Variants in ELF1 observed in about 807,000 individuals in gnomAD.
ELF1 encodes the protein ETS-related transcription factor Elf-1.
Under a neutral mutation model 59.9 loss-of-function variants are expected in ELF1, and 24 were observed. The observed-to-expected ratio is 0.40, with a 90% CI of 0.29 to 0.56. The LOEUF (loss-of-function observed/expected upper bound fraction) is 0.56. Ranked by LOEUF, ELF1 falls within the 20% of genes least tolerant of loss-of-function variation. The pLI is 0.44. For missense variants in ELF1, 627 were observed against 742.2 expected (o/e 0.84, Z 1.80); for synonymous variants, 248 against 266.2 (o/e 0.93, Z 0.67).
At chr13:41,025,034 C>CA (rs1227781719) in intron 1 of ELF1, among the ~76,000 whole-genome samples, 1 of 152,044 alleles carries the variant, frequency 6.6e-6, no homozygotes, top group Non-Finnish European at 1.5e-5. Context: ...GCCCAAAAAA[C>CA]AAAAAGAAAT....
At chr13:41,035,610 G>A (rs1288735087) in intron 1 of ELF1, among the ~76,000 whole-genome samples, 1 of 151,572 alleles carries the variant, frequency 6.6e-6, no homozygotes, top group Admixed American at 6.6e-5. Context: ...TCTGTAAAGA[G>A]AGAATAGCTT....
At position 40,932,556 on chromosome 13, in the gene ELF1, G is replaced by C. The variant is rs1202362058; in HGVS notation, c.*869C>G. 6.6e-6 allele frequency: 1 copy of C among 152,090 alleles called. No individual in the cohort carries two copies. The highest frequency in any genetic ancestry group is 2.4e-5 in the African/African-American group (1 of 41,430). 9.4% of individuals were successfully genotyped at this position (152,090 alleles called of 1,614,324 possible). A position where few individuals can be genotyped will look rare whatever the true frequency, so the allele number is the denominator to read the frequency against. On this transcript the variant is annotated 3_prime_UTR_variant, in exon 9 of 9. Transcript: ENST00000239882. ...AAGAGTTAGTAAACAAATTATTTAGGAAGAATTTATGGCAGATCTTACCCA... is the reference window on the plus strand; with the variant it reads ...AAGAGTTAGTAAACAAATTATTTAGCAAGAATTTATGGCAGATCTTACCCA...
chr13:41,053,671 A>C (rs1317421182), intron 1 of ELF1, among the ~76,000 whole-genome samples: 1 of 152,216 alleles, frequency 6.6e-6, no homozygotes, highest in Non-Finnish European at 1.5e-5. Context: ...ATTGGCTGTA[A>C]ACAGCTCATC....
At chr13:41,036,418 C>G (rs112103211) in intron 1 of ELF1, among the ~76,000 whole-genome samples, 1 of 152,324 alleles carries the variant, frequency 6.6e-6, no homozygotes, top group Non-Finnish European at 1.5e-5. Context: ...CTGCTTCTCT[C>G]CCTCCACACT....
intron 1 of ELF1, among the ~76,000 whole-genome samples, chr13:41,009,452 G>A (rs185566456): frequency 6.6e-6 from 1 of 152,030 alleles, no homozygotes; most frequent in Non-Finnish European, 1.5e-5. Context: ...AATGCCAACT[G>A]CCCTGCAGAA....
intron 1 of ELF1, among the ~76,000 whole-genome samples, chr13:41,003,499 T>A (rs1165792006): frequency 6.8e-6 from 1 of 146,032 alleles, no homozygotes; most frequent in African/African-American, 2.6e-5. Context: ...TATATAAACT[T>A]TATAAGACAT....
At chr13:40,946,720 C>G (rs965087527) in intron 5 of ELF1, among the ~76,000 whole-genome samples, 2 of 152,124 alleles carry the variant, frequency 1.3e-5, no homozygotes, top group African/African-American at 4.8e-5. Context: ...AGACCTTTGG[C>G]CAGGCATGGT....
At chr13:41,003,754 T>G (rs988792603) in intron 1 of ELF1, among the ~76,000 whole-genome samples, 1 of 152,150 alleles carries the variant, frequency 6.6e-6, no homozygotes, top group African/African-American at 2.4e-5. Context: ...AGTAAGAGAT[T>G]TTTGATGCTT....
intron 1 of ELF1, among the ~76,000 whole-genome samples, chr13:40,987,553 C>A (rs1382935756): frequency 5.3e-5 from 7 of 132,746 alleles, no homozygotes; most frequent in Non-Finnish European, 9.2e-5. Context: ...CCACTATACT[C>A]TAGCCTGGGC....
At chr13:40,993,256 T>C in intron 1 of ELF1, 1 of 1,580,838 alleles carries the variant, frequency 6.3e-7, no homozygotes, top group Non-Finnish European at 8.7e-7. Context: ...GCAACAGATG[T>C]TGTTGGGCCT....
intron 2 of ELF1, among the ~76,000 whole-genome samples, chr13:40,968,120 T>A (rs1872299314): frequency 6.6e-6 from 1 of 152,214 alleles, no homozygotes; most frequent in South Asian, 2.1e-4. Context: ...ATAAACTGCA[T>A]GCTTATTACC....
intron 1 of ELF1, among the ~76,000 whole-genome samples, chr13:40,998,307 C>T (rs985137722): frequency 6.6e-6 from 1 of 152,170 alleles, no homozygotes; most frequent in Non-Finnish European, 1.5e-5. Flanking sequence ...GTTTTTACTG[C>T]ACCTTTTCTA....
intron 2 of ELF1, among the ~76,000 whole-genome samples, chr13:40,976,009 A>C (rs1277768671): frequency 6.6e-6 from 1 of 152,238 alleles, no homozygotes; most frequent in Non-Finnish European, 1.5e-5. Context: ...TGAGACTGAT[A>C]ATAAGCAACA....
chr13:41,014,587 T>A (rs951813918), intron 1 of ELF1, among the ~76,000 whole-genome samples: 3 of 152,148 alleles, frequency 2.0e-5, no homozygotes, highest in African/African-American at 7.2e-5. Context: ...CTTTTGTAGG[T>A]TCTCCATACT....
intron 2 of ELF1, among the ~76,000 whole-genome samples, chr13:40,973,868 G>A (rs1292209688): frequency 2.0e-5 from 3 of 152,174 alleles, no homozygotes; most frequent in South Asian, 2.1e-4. Flanking sequence ...GCACAACACA[G>A]ATGAACCTTG....
At chr13:41,001,361 G>C (rs752436159) in intron 1 of ELF1, among the ~76,000 whole-genome samples, 20 of 152,048 alleles carry the variant, frequency 1.3e-4, no homozygotes, top group Admixed American at 5.2e-4. Flanking sequence ...GCCAAGATGG[G>C]AGGATCACTT....
At chr13:40,993,225 G>T in intron 1 of ELF1, 1 of 1,568,218 alleles carries the variant, frequency 6.4e-7, no homozygotes, top group Non-Finnish European at 8.8e-7. Context: ...AGGAGCAGCT[G>T]CAACAACAGC....
chr13:40,945,009 C>T (rs1870417288), intron 5 of ELF1, among the ~76,000 whole-genome samples: 1 of 152,164 alleles, frequency 6.6e-6, no homozygotes, highest in African/African-American at 2.4e-5. Flanking sequence ...GTCTCTAAGA[C>T]TGCCAAATGT....
rs1023673988 is a variant in ELF1, at chr13:40,933,653, C to A, written c.1632G>T (p.Leu544=). 2 of 1,614,076 alleles carry A rather than the reference C, an allele frequency of 1.2e-6. No homozygotes were observed. Among genetic ancestry groups the A allele is most frequent in the South Asian group, 2.2e-5 (2 of 91,088 alleles). The change falls in exon 9 of 9, where the codon CTG becomes CTT. Residue 544 remains leucine, a synonymous_variant. Coordinates refer to ENST00000239882, the MANE Select transcript of ELF1 (RefSeq NM_172373.4). ...TTACAGTGCCAGGTGGGTGAGCAACCAGCTGTGAACTGCGAGGAGAAAAGG... is the reference window on the plus strand; with the variant it reads ...TTACAGTGCCAGGTGGGTGAGCAACAAGCTGTGAACTGCGAGGAGAAAAGG... ...VVTFSPRSSQ[L]VAHPPGTVIT...
Sources: gnomAD v4.1 joint callset for allele counts (sites outside exome capture counted in the v4.1 genomes callset) on GRCh38, gnomAD v4.1.1 for gene constraint, MANE v1.5 for transcripts, NCBI Gene and HGNC (gene_info 2026-07-23, HGNC 2026-07-21) for gene names.